Variants in KCNH5 observed in about 807,000 individuals in gnomAD.
KCNH5 encodes the protein potassium voltage-gated channel subfamily H member 5, also known as voltage-gated delayed rectifier potassium channel KCNH5.
KCNH5 carries 46 observed loss-of-function variants against 96.1 expected under a neutral mutation model. That is an observed-to-expected ratio of 0.48 (90% CI 0.38 to 0.61). The LOEUF (loss-of-function observed/expected upper bound fraction) is 0.61. Ranked by LOEUF, KCNH5 falls within the 20% of genes least tolerant of loss-of-function variation. KCNH5 has a pLI of 0.00. For synonymous variants in KCNH5, 439 were observed against 449.8 expected, an observed-to-expected ratio of 0.98 and a Z score of 0.30; for missense variants, 907 against 1,225.8, an observed-to-expected ratio of 0.74 and a Z score of 3.88.
At chr14:62,758,134 A>T (rs1686635447) in intron 10 of KCNH5, among the ~76,000 whole-genome samples, 1 of 141,450 alleles carries the variant, frequency 7.1e-6, no homozygotes, top group African/African-American at 2.6e-5. Flanking sequence ...ACAGAGCGAG[A>T]CTCCATCTCA....
intron 7 of KCNH5, among the ~76,000 whole-genome samples, chr14:62,945,377 T>A (rs1373769786): frequency 2.0e-5 from 3 of 152,254 alleles, no homozygotes; most frequent in East Asian, 3.9e-4. Flanking sequence ...ACACCCTGCA[T>A]TTTGCTGGCA....
intron 1 of KCNH5, among the ~76,000 whole-genome samples, chr14:63,022,877 G>A (rs1275409859): frequency 6.6e-6 from 1 of 152,024 alleles, no homozygotes; most frequent in Non-Finnish European, 1.5e-5. Flanking sequence ...CCATTCACAA[G>A]TGCAGTTTTA....
intron 10 of KCNH5, among the ~76,000 whole-genome samples, chr14:62,763,716 C>T (rs1595611835): frequency 6.6e-6 from 1 of 152,074 alleles, no homozygotes; most frequent in African/African-American, 2.4e-5. Context: ...CCATTGACCC[C>T]ACAGTAATAT....
chr14:63,007,127 G>A (rs771453380), intron 2 of KCNH5, among the ~76,000 whole-genome samples: 2 of 152,090 alleles, frequency 1.3e-5, no homozygotes, highest in Non-Finnish European at 2.9e-5. Context: ...CTCTAAATAT[G>A]CATCCAAAAG....
chr14:62,792,933 G>T (rs1220417093), intron 9 of KCNH5, among the ~76,000 whole-genome samples: 2 of 151,682 alleles, frequency 1.3e-5, no homozygotes, highest in Non-Finnish European at 3.0e-5. Flanking sequence ...AGAAAACGTG[G>T]CGTATGCATA....
intron 7 of KCNH5, among the ~76,000 whole-genome samples, chr14:62,898,628 T>C (rs1467493972): frequency 2.0e-5 from 3 of 152,046 alleles, no homozygotes; most frequent in Non-Finnish European, 4.4e-5. Flanking sequence ...CAAAAGAGTA[T>C]AAGAACATTG....
intron 7 of KCNH5, among the ~76,000 whole-genome samples, chr14:62,924,333 T>C (rs1475115067): frequency 1.3e-5 from 2 of 151,702 alleles, no homozygotes; most frequent in African/African-American, 4.8e-5. Flanking sequence ...TTGTTCACAA[T>C]GATATGAAGA....
At chr14:62,787,578 A>C (rs574755194) in intron 9 of KCNH5, among the ~76,000 whole-genome samples, 42 of 152,254 alleles carry the variant, frequency 2.8e-4, no homozygotes, top group Middle Eastern at 3.4e-3. Context: ...CTTCTATTAA[A>C]AGAAGATGCC....
chr14:62,976,554 C>T lies in KCNH5; in HGVS notation c.942+4318G>A, dbSNP rs111732270. ...TATCAAGACAGTAGTCATGCTTTTC[C>T]AGGCTGAAAAGGACCACCTAGTTAA... On this transcript the variant is annotated intron_variant, in intron 6 of 10. Coordinates refer to ENST00000322893, the MANE Select transcript of KCNH5 (RefSeq NM_139318.5). 4.7e-3 allele frequency among the ~76,000 whole-genome samples: 713 copies of T among 152,086 alleles called. 4 individuals carry two copies. The highest frequency in any genetic ancestry group is 0.016 in the African/African-American group (682 of 41,486).
chr14:62,830,459 T>A (rs930606026), intron 8 of KCNH5, among the ~76,000 whole-genome samples: 1 of 152,166 alleles, frequency 6.6e-6, no homozygotes, highest in African/African-American at 2.4e-5. Context: ...TTCTGCATGC[T>A]GAGGAGGCCT....
intron 4 of KCNH5, among the ~76,000 whole-genome samples, chr14:62,995,409 C>T (rs1890888633): frequency 6.6e-6 from 1 of 152,070 alleles, no homozygotes; most frequent in South Asian, 2.1e-4. Flanking sequence ...CAAAATTTTG[C>T]AAACACCCTT....
chr14:62,713,690 G>A (rs373446846), intron 10 of KCNH5, among the ~76,000 whole-genome samples: 8 of 152,146 alleles, frequency 5.3e-5, no homozygotes, highest in African/African-American at 1.2e-4. Flanking sequence ...TATCTTGTAC[G>A]CAAAGTATGA....
chr14:62,881,124 G>T (rs986819735), intron 7 of KCNH5, among the ~76,000 whole-genome samples: 1 of 152,074 alleles, frequency 6.6e-6, no homozygotes, highest in Non-Finnish European at 1.5e-5. Flanking sequence ...CGCCATTTAG[G>T]CCACATAACA....
At chr14:62,955,808 G>C (rs1890093375) in intron 6 of KCNH5, among the ~76,000 whole-genome samples, 2 of 152,136 alleles carry the variant, frequency 1.3e-5, no homozygotes, top group South Asian at 4.1e-4. Context: ...CTCTAACATG[G>C]ATCAATTCAT....
At chr14:62,832,123 TA>T (rs1261251810) in intron 8 of KCNH5, among the ~76,000 whole-genome samples, 2 of 152,212 alleles carry the variant, frequency 1.3e-5, no homozygotes, top group African/African-American at 4.8e-5. Flanking sequence ...GTCTATATAT[TA>T]TTTTTTTAAA....
intron 10 of KCNH5, among the ~76,000 whole-genome samples, chr14:62,727,752 T>C (rs910894545): frequency 9.0e-6 from 1 of 111,298 alleles, no homozygotes; most frequent in African/African-American, 3.4e-5. Context: ...ATGAATAAAA[T>C]AACGACACTG....
At chr14:62,886,160 A>AC (rs59751883) in intron 7 of KCNH5, among the ~76,000 whole-genome samples, 2 of 143,222 alleles carry the variant, frequency 1.4e-5, no homozygotes, top group Non-Finnish European at 1.5e-5. Flanking sequence ...ACACACACAC[A>AC]AGAATATCAC....
chr14:62,781,402 G>A (rs1566658511), intron 9 of KCNH5, among the ~76,000 whole-genome samples: 1 of 152,220 alleles, frequency 6.6e-6, no homozygotes, highest in South Asian at 2.1e-4. Context: ...CTTATCAGGA[G>A]ACAGCGTTTT....
At chr14:62,766,873 T>C (rs1885872388) in intron 10 of KCNH5, among the ~76,000 whole-genome samples, 2 of 152,154 alleles carry the variant, frequency 1.3e-5, no homozygotes, top group Non-Finnish European at 2.9e-5. Flanking sequence ...CTTGAGGGGA[T>C]GGATACCCCA....
Sources: allele counts gnomAD v4.1 joint callset (sites outside exome capture counted in the v4.1 genomes callset), GRCh38; gene constraint gnomAD v4.1.1; transcripts MANE v1.5; gene names NCBI Gene and HGNC (gene_info 2026-07-23, HGNC 2026-07-21).